Variants in COMMD1 observed in about 807,000 individuals in gnomAD.
The protein encoded by COMMD1 is COMM domain-containing protein 1.
Under a neutral mutation model 17.2 loss-of-function variants are expected in COMMD1, and 10 were observed. That is an observed-to-expected ratio of 0.58 (90% CI 0.36 to 0.99). The LOEUF is 0.99. COMMD1 is among the 50% of genes least tolerant of loss of function. The pLI, the probability that COMMD1 is intolerant of heterozygous loss-of-function variation, is 0.01. For missense variants in COMMD1, 270 were observed against 231.8 expected, an observed-to-expected ratio of 1.17 and a Z score of -1.07; for synonymous variants, 97 against 91.6, an observed-to-expected ratio of 1.06 and a Z score of -0.34.
chr2:62,023,066 A>G (rs1164719885), intron 2 of COMMD1, among the ~76,000 whole-genome samples: 1 of 152,160 alleles, frequency 6.6e-6, no homozygotes, highest in Non-Finnish European at 1.5e-5. Context: ...GACTCTACTA[A>G]AAATATAAAA....
At chr2:61,932,697 CA>C (rs1231051728) in intron 1 of COMMD1, among the ~76,000 whole-genome samples, 3 of 152,170 alleles carry the variant, frequency 2.0e-5, no homozygotes, top group Non-Finnish European at 2.9e-5. Flanking sequence ...GGACTTGTGA[CA>C]GGGGTGTGGC....
At chr2:62,077,016 A>T (rs545339849) in intron 2 of COMMD1, among the ~76,000 whole-genome samples, 1 of 152,274 alleles carries the variant, frequency 6.6e-6, no homozygotes, top group Admixed American at 6.5e-5. Flanking sequence ...CTGTGGCCCC[A>T]GCTACTTGGG....
At chr2:61,930,401 C>T (rs1308407790) in intron 1 of COMMD1, among the ~76,000 whole-genome samples, 1 of 151,874 alleles carries the variant, frequency 6.6e-6, no homozygotes, top group Non-Finnish European at 1.5e-5. Flanking sequence ...ACTAAAAATA[C>T]AAAAATTAGC....
At chr2:61,902,176 A>G (rs1256647303), upstream of COMMD1, among the ~76,000 whole-genome samples, 2 of 151,758 alleles carry the variant, frequency 1.3e-5, no homozygotes, top group Non-Finnish European at 2.9e-5. Flanking sequence ...CATGTAGGTA[A>G]CAAGCACTAA....
intron 2 of COMMD1, among the ~76,000 whole-genome samples, chr2:62,050,577 C>G (rs1182104251): frequency 6.6e-6 from 1 of 152,124 alleles, no homozygotes; most frequent in African/African-American, 2.4e-5. Flanking sequence ...GTTATTCAGC[C>G]TTGAATAATT....
At chr2:62,089,131 A>G (rs534499136) in intron 2 of COMMD1, among the ~76,000 whole-genome samples, 100 of 152,238 alleles carry the variant, frequency 6.6e-4, no homozygotes, top group African/African-American at 2.2e-3. Flanking sequence ...ATGTTTCCAA[A>G]AGGTACTAGA....
At chr2:62,120,470 T>C (rs1209360253) in intron 2 of COMMD1, among the ~76,000 whole-genome samples, 1 of 152,200 alleles carries the variant, frequency 6.6e-6, no homozygotes, top group Non-Finnish European at 1.5e-5. Flanking sequence ...AACACTCTTT[T>C]TTTAATGTGC....
At chr2:62,033,106 C>T (rs1466523104) in intron 2 of COMMD1, among the ~76,000 whole-genome samples, 1 of 152,020 alleles carries the variant, frequency 6.6e-6, no homozygotes, top group Non-Finnish European at 1.5e-5. Context: ...AATAAATGTA[C>T]CTTAACTTAC....
At chr2:61,928,614 T>C (rs1670387040) in intron 1 of COMMD1, 1 of 152,212 alleles carries the variant, frequency 6.6e-6, no homozygotes, top group South Asian at 2.1e-4. Flanking sequence ...ACATATTTTT[T>C]TTATTTTTAA....
At chr2:61,945,841 G>A (rs1160166442) in intron 1 of COMMD1, among the ~76,000 whole-genome samples, 1 of 152,212 alleles carries the variant, frequency 6.6e-6, no homozygotes, top group Non-Finnish European at 1.5e-5. Context: ...CGGTAGAAAG[G>A]AATGTCTGGG....
intron 1 of COMMD1, among the ~76,000 whole-genome samples, chr2:61,982,647 G>A (rs1036946172): frequency 1.3e-5 from 2 of 152,002 alleles, no homozygotes; most frequent in African/African-American, 2.4e-5. Flanking sequence ...ATTATAGTGA[G>A]GTATGTTCTT....
intron 2 of COMMD1, among the ~76,000 whole-genome samples, chr2:62,074,708 A>C (rs1468420911): frequency 6.6e-6 from 1 of 152,202 alleles, no homozygotes; most frequent in African/African-American, 2.4e-5. Context: ...TGGTAAAATC[A>C]TAACTAGGCA....
At chr2:61,999,438 A>G (rs995835021) in intron 1 of COMMD1, among the ~76,000 whole-genome samples, 3 of 152,376 alleles carry the variant, frequency 2.0e-5, no homozygotes, top group African/African-American at 7.2e-5. Context: ...TTCAAAGCTA[A>G]GATAAATACA....
chr2:62,110,725 T>TG (rs1453935205), intron 2 of COMMD1, among the ~76,000 whole-genome samples: 2 of 152,132 alleles, frequency 1.3e-5, no homozygotes, highest in African/African-American at 4.8e-5. Context: ...TTTAACCTTT[T>TG]GTAGTATGAG....
chr2:62,076,742 A>G (rs1011225341), intron 2 of COMMD1, among the ~76,000 whole-genome samples: 3 of 152,144 alleles, frequency 2.0e-5, no homozygotes, highest in Non-Finnish European at 4.4e-5. Context: ...GCAAGACTCC[A>G]TCTCAAAAAT....
intron 2 of COMMD1, chr2:62,084,907 A>G (rs934132827): frequency 1.3e-5 from 2 of 152,066 alleles, no homozygotes; most frequent in Admixed American, 6.5e-5. Context: ...TAATTCCACT[A>G]GTCACCTGCC....
chr2:62,130,277 T>C (rs1484523883), intron 2 of COMMD1, among the ~76,000 whole-genome samples: 7 of 151,100 alleles, frequency 4.6e-5, no homozygotes, highest in African/African-American at 7.3e-5. Flanking sequence ...TGACTTTTTT[T>C]TTTTTTTTCT....
chr2:62,066,569 T>C (rs1267418749), intron 2 of COMMD1, among the ~76,000 whole-genome samples: 2 of 145,440 alleles, frequency 1.4e-5, no homozygotes, highest in East Asian at 2.1e-4. Context: ...GCCTGGCTAA[T>C]TTTTTGTATT....
chr2:62,012,270 TACACAC>T (rs57739132), intron 2 of COMMD1, among the ~76,000 whole-genome samples: 4,200 of 129,910 alleles, frequency 0.032, 83 homozygotes, highest in Middle Eastern at 0.034. Flanking sequence ...CACACACACA[TACACAC>T]ACACACACAC....
Sources: allele counts gnomAD v4.1 joint callset (sites outside exome capture counted in the v4.1 genomes callset), GRCh38; gene constraint gnomAD v4.1.1; transcripts MANE v1.5; gene names NCBI Gene and HGNC (gene_info 2026-07-23, HGNC 2026-07-21).